Variants in C12orf50 observed in about 807,000 individuals in gnomAD.
The protein encoded by C12orf50 is zinc finger CCCH-type containing 11D.
In C12orf50, 35 loss-of-function variants were observed where a neutral mutation model predicts 61.6. The ratio of observed to expected loss-of-function variants is 0.57; its 90% CI spans 0.43 to 0.75. The LOEUF (loss-of-function observed/expected upper bound fraction) is 0.75. Among genes scored for constraint, C12orf50 ranks in the 30% least tolerant of loss-of-function variants. The probability of loss-of-function intolerance (pLI) is 0.00; values close to 1 mark genes in which losing one functional copy is unlikely to be tolerated. For synonymous variants in C12orf50, 178 were observed against 161.5 expected, an observed-to-expected ratio of 1.10 and a Z score of -0.77; for missense variants, 475 against 488.5, an observed-to-expected ratio of 0.97 and a Z score of 0.26.
At chr12:87,994,006 C>T (rs558573106) in intron 7 of C12orf50, among the ~76,000 whole-genome samples, 295 of 151,866 alleles carry the variant, frequency 1.9e-3, no homozygotes, top group African/African-American at 6.2e-3. Flanking sequence ...TTGAGGCCAG[C>T]CTGACCAACA....
intron 3 of C12orf50, among the ~76,000 whole-genome samples, chr12:88,016,865 A>C (rs1475381577): frequency 6.6e-6 from 1 of 152,234 alleles, no homozygotes; most frequent in Non-Finnish European, 1.5e-5. Flanking sequence ...GGCAATAAGA[A>C]AGTAGAACAA....
intron 3 of C12orf50, among the ~76,000 whole-genome samples, chr12:88,009,131 G>T (rs188363330): frequency 1.1e-3 from 174 of 152,190 alleles, no homozygotes; most frequent in African/African-American, 4.0e-3. Flanking sequence ...GTATCCAGAT[G>T]TACACAGTAA....
intron 3 of C12orf50, among the ~76,000 whole-genome samples, chr12:88,022,244 C>A (rs1418349967): frequency 1.3e-5 from 2 of 151,566 alleles, no homozygotes; most frequent in Non-Finnish European, 2.9e-5. Flanking sequence ...AAGTAAAAAC[C>A]ATATTGAGAT....
At chr12:87,998,955 T>C (rs1565748116) in intron 3 of C12orf50, among the ~76,000 whole-genome samples, 1 of 152,140 alleles carries the variant, frequency 6.6e-6, no homozygotes, top group Non-Finnish European at 1.5e-5. Flanking sequence ...GAAACAAAAA[T>C]TCATGCAAAG....
chr12:87,995,846 A>G (rs1192095113), intron 6 of C12orf50, among the ~76,000 whole-genome samples: 1 of 152,200 alleles, frequency 6.6e-6, no homozygotes, highest in Non-Finnish European at 1.5e-5. Context: ...CATATTGCAG[A>G]TGTTCATCCA....
rs987590641 is a variant in C12orf50, at chr12:87,986,108, T to C, written c.923-55A>G. The C allele has an allele frequency of 1.4e-5, 21 of 1,537,746 alleles. No individual in the cohort carries two copies. In the African/African-American group the frequency reaches 2.3e-4, roughly 17 times the overall value. On this transcript the variant is annotated intron_variant, in intron 10 of 12. Transcript: ENST00000298699. ...ATAAAACAGGCTGGTTTCACACCCA[T>C]AAATAACATATTGCACTGCAAATAC...
intron 3 of C12orf50, among the ~76,000 whole-genome samples, chr12:88,004,571 C>T (rs1353111836): frequency 6.6e-6 from 1 of 152,136 alleles, no homozygotes; most frequent in African/African-American, 2.4e-5. Flanking sequence ...ACCATGAAGA[C>T]ACATGCATGT....
intron 3 of C12orf50, among the ~76,000 whole-genome samples, chr12:88,013,509 T>G (rs946121162): frequency 7.9e-5 from 12 of 152,206 alleles, no homozygotes; most frequent in African/African-American, 2.9e-4. Context: ...AGGAGAATGC[T>G]CTTGAACTTA....
intron 1 of C12orf50, among the ~76,000 whole-genome samples, chr12:88,027,476 A>G (rs2032750766): frequency 6.6e-6 from 1 of 152,202 alleles, no homozygotes; most frequent in Non-Finnish European, 1.5e-5. Flanking sequence ...TGTGAAAATG[A>G]TTTCTATTAA....
intron 1 of C12orf50, chr12:88,029,006 C>T: frequency 1.1e-6 from 1 of 937,556 alleles, no homozygotes; most frequent in South Asian, 2.0e-5. Flanking sequence ...ATTGCCATAT[C>T]TCCCTTCATT....
chr12:88,027,140 T>TAATTAGTTA (rs1483420886), intron 1 of C12orf50, 70 bp from the exon 2 acceptor site: 1 of 1,442,126 alleles, frequency 6.9e-7, no homozygotes, highest in African/African-American at 1.4e-5. Context: ...AATAGGTTGC[T>TAATTAGTTA]AATTAGTTAA....
At chr12:88,004,742 G>T (rs934282488) in intron 3 of C12orf50, among the ~76,000 whole-genome samples, 1 of 152,136 alleles carries the variant, frequency 6.6e-6, no homozygotes, top group Non-Finnish European at 1.5e-5. Flanking sequence ...CAACATGAAC[G>T]GAGCTGGAGG....
intron 3 of C12orf50, among the ~76,000 whole-genome samples, chr12:88,021,466 A>C (rs1592684989): frequency 6.6e-6 from 1 of 151,880 alleles, no homozygotes; most frequent in African/African-American, 2.4e-5. Flanking sequence ...GGTGAAACCC[A>C]GTCTCTACTA....
intron 3 of C12orf50, among the ~76,000 whole-genome samples, chr12:88,025,095 A>G (rs1194691476): frequency 6.6e-6 from 1 of 152,250 alleles, no homozygotes; most frequent in Non-Finnish European, 1.5e-5. Context: ...ATCAAAATGG[A>G]GAATTCCATA....
At chr12:87,989,427 C>T in intron 7 of C12orf50, 56 bp from the exon 8 acceptor site, 1 of 1,265,366 alleles carries the variant, frequency 7.9e-7, no homozygotes, top group Non-Finnish European at 1.1e-6. Flanking sequence ...TACAAACTAG[C>T]TTTCAATACA....
At position 87,989,348 on chromosome 12, in the gene C12orf50, T is replaced by A. The variant is rs149201348; in HGVS notation, c.616A>T (p.Arg206Trp). Reference sequence around the variant, plus strand: ...TCATCGACTCCAAGAAATATGACCCTCTGTGGAACATAACAGTCACCTCCT... The same window carrying A: ...TCATCGACTCCAAGAAATATGACCCACTGTGGAACATAACAGTCACCTCCT... Reference protein sequence around the residue: ...NGGGDCYVPQRVIFLGVDESE... With the variant: ...NGGGDCYVPQWVIFLGVDESE... Residue 206 changes from arginine (R) to tryptophan (W), a missense_variant, in exon 8 of 13, where the codon AGG (arginine) becomes TGG (tryptophan). Transcript: ENST00000298699. The A allele has an allele frequency of 4.6e-5, 74 of 1,611,840 alleles. No individual in the cohort carries two copies. In the African/African-American group the frequency reaches 9.3e-4, roughly 20 times the overall value.
At position 87,987,930 on chromosome 12, in the gene C12orf50, G is replaced by C; in HGVS notation, c.737C>G (p.Thr246Ser). The C allele has an allele frequency of 1.2e-6, 2 of 1,610,910 alleles. No homozygotes were observed. Among genetic ancestry groups the C allele is most frequent in the Non-Finnish European group, 1.7e-6 (2 of 1,177,734 alleles). Residue 246 changes from threonine to serine, a missense_variant, in exon 9 of 13, where the codon ACT (threonine) becomes AGT (serine). Thr to Ser is a moderately conservative substitution (Grantham distance 58, BLOSUM62 1). Transcript: ENST00000298699. ...KDSPHPKHSL[T>S]TRLVPTTHVL... The stretch of plus-strand genomic sequence containing the variant: ...ATGCGTTGTAGGTACTAGTCGGGTA[G>C]TTAGGGAATGCTTTGGATGAGGACT...
chr12:87,998,729 G>T (rs1053155884), intron 3 of C12orf50, among the ~76,000 whole-genome samples: 1 of 152,100 alleles, frequency 6.6e-6, no homozygotes, highest in Non-Finnish European at 1.5e-5. Context: ...AGACTATCTG[G>T]ACTAGCATAA....
At chr12:88,014,362 C>T (rs899568437) in intron 3 of C12orf50, among the ~76,000 whole-genome samples, 8 of 152,102 alleles carry the variant, frequency 5.3e-5, no homozygotes, top group African/African-American at 1.7e-4. Flanking sequence ...AGTGCAGTGG[C>T]GCGATTTCGG....
Sources: gnomAD v4.1 joint callset for allele counts (sites outside exome capture counted in the v4.1 genomes callset) on GRCh38, gnomAD v4.1.1 for gene constraint, MANE v1.5 for transcripts, NCBI Gene and HGNC (gene_info 2026-07-23, HGNC 2026-07-21) for gene names.